GRM8: variants seen among roughly 807,000 people sequenced by gnomAD.
The protein encoded by GRM8 is metabotropic glutamate receptor 8.
Under a neutral mutation model 87.2 loss-of-function variants are expected in GRM8, and 47 were observed. That is an observed-to-expected ratio of 0.54 (90% CI 0.43 to 0.69). GRM8 has a LOEUF of 0.69. Ranked by LOEUF, GRM8 falls within the 30% of genes least tolerant of loss-of-function variation. The probability of loss-of-function intolerance (pLI) is 0.00; values close to 1 mark genes in which losing one functional copy is unlikely to be tolerated. For missense variants in GRM8, 1,019 were observed against 1,139.2 expected, an observed-to-expected ratio of 0.89 and a Z score of 1.52; for synonymous variants, 396 against 404.5, an observed-to-expected ratio of 0.98 and a Z score of 0.25.
At chr7:127,251,595 C>T (rs944160884) in intron 1 of GRM8, among the ~76,000 whole-genome samples, 1 of 151,948 alleles carries the variant, frequency 6.6e-6, no homozygotes, top group African/African-American at 2.4e-5. Flanking sequence ...AGACTGGGGC[C>T]GTGGGGAGAG....
At chr7:126,465,981 C>A (rs977707839) in intron 9 of GRM8, among the ~76,000 whole-genome samples, 1 of 151,808 alleles carries the variant, frequency 6.6e-6, no homozygotes, top group Non-Finnish European at 1.5e-5. Context: ...TAGATAAATT[C>A]TCTTATATGC....
intron 6 of GRM8, among the ~76,000 whole-genome samples, chr7:126,865,589 T>C (rs1798525781): frequency 6.6e-6 from 1 of 152,160 alleles, no homozygotes. Context: ...CCTGTTCCCG[T>C]CCCTTCACCA....
chr7:127,038,423 CA>C (rs1156812418), intron 3 of GRM8, among the ~76,000 whole-genome samples: 1 of 152,034 alleles, frequency 6.6e-6, no homozygotes, highest in Non-Finnish European at 1.5e-5. Context: ...GAAAATATAG[CA>C]TATAAATTTG....
intron 6 of GRM8, among the ~76,000 whole-genome samples, chr7:126,860,334 C>G (rs1586224763): frequency 6.6e-6 from 1 of 152,098 alleles, no homozygotes; most frequent in Non-Finnish European, 1.5e-5. Flanking sequence ...CCTTCCTATT[C>G]CTTAATCTAA....
chr7:126,809,843 T>C (rs1793127311), intron 6 of GRM8, among the ~76,000 whole-genome samples: 1 of 152,104 alleles, frequency 6.6e-6, no homozygotes, highest in South Asian at 2.1e-4. Context: ...ACCCTCCTAT[T>C]TTCCTAGATT....
intron 7 of GRM8, among the ~76,000 whole-genome samples, chr7:126,762,839 C>T (rs974897165): frequency 6.6e-6 from 1 of 151,090 alleles, no homozygotes; most frequent in Non-Finnish European, 1.5e-5. Context: ...TTGATATGTA[C>T]CAAGCAAATG....
At chr7:126,750,793 T>C (rs1371910163) in intron 7 of GRM8, among the ~76,000 whole-genome samples, 1 of 152,134 alleles carries the variant, frequency 6.6e-6, no homozygotes, top group African/African-American at 2.4e-5. Context: ...CTTTGCTTTC[T>C]CTTTTAGACA....
At chr7:127,193,684 C>T (rs978420512) in intron 2 of GRM8, among the ~76,000 whole-genome samples, 11 of 152,138 alleles carry the variant, frequency 7.2e-5, no homozygotes, top group African/African-American at 2.7e-4. Context: ...TCCTAATAAT[C>T]ACCTTCTCAA....
intron 2 of GRM8, among the ~76,000 whole-genome samples, chr7:127,160,524 A>G (rs1351358188): frequency 1.8e-5 from 2 of 112,290 alleles, no homozygotes; most frequent in African/African-American, 7.5e-5. Flanking sequence ...AGGAGGCTCC[A>G]TCACGCGCGC....
chr7:127,175,542 T>A (rs1016933999), intron 2 of GRM8, among the ~76,000 whole-genome samples: 1 of 152,096 alleles, frequency 6.6e-6, no homozygotes, highest in Non-Finnish European at 1.5e-5. Context: ...GCATAGCATA[T>A]GCAAACTGCA....
At chr7:126,626,066 G>T (rs1255992109) in intron 7 of GRM8, among the ~76,000 whole-genome samples, 2 of 151,382 alleles carry the variant, frequency 1.3e-5, no homozygotes, top group African/African-American at 4.9e-5. Context: ...ATTAATCATT[G>T]TATCTCTAAT....
chr7:126,803,315 G>C (rs1822939274), intron 6 of GRM8, among the ~76,000 whole-genome samples: 1 of 152,104 alleles, frequency 6.6e-6, no homozygotes, highest in Non-Finnish European at 1.5e-5. Context: ...CACAGACTGC[G>C]GGTAGCTCCA....
At chr7:126,792,015 A>G (rs146402392) in intron 6 of GRM8, among the ~76,000 whole-genome samples, 1 of 152,294 alleles carries the variant, frequency 6.6e-6, no homozygotes, top group African/African-American at 2.4e-5. Context: ...AAGGTCACAG[A>G]TTATAAGTGA....
intron 6 of GRM8, among the ~76,000 whole-genome samples, chr7:126,825,077 G>C (rs1001089465): frequency 6.6e-6 from 1 of 152,000 alleles, no homozygotes; most frequent in African/African-American, 2.4e-5. Flanking sequence ...TTTTTTTGTT[G>C]TTTTTTTCGA....
intron 8 of GRM8, among the ~76,000 whole-genome samples, chr7:126,580,574 C>T (rs538587934): frequency 4.6e-5 from 7 of 152,124 alleles, no homozygotes; most frequent in East Asian, 1.9e-4. Context: ...TTCCATTTAT[C>T]GGTATTCCTG....
intron 2 of GRM8, among the ~76,000 whole-genome samples, chr7:127,167,791 A>G (rs1049722376): frequency 5.3e-5 from 8 of 152,096 alleles, no homozygotes; most frequent in African/African-American, 1.7e-4. Flanking sequence ...CAGACACAAG[A>G]TTAAAATTAG....
At chr7:127,076,706 T>C (rs1186838800) in intron 3 of GRM8, among the ~76,000 whole-genome samples, 1 of 152,150 alleles carries the variant, frequency 6.6e-6, no homozygotes, top group African/African-American at 2.4e-5. Flanking sequence ...ACAGGGCCAT[T>C]TGCTCTGCTC....
intron 2 of GRM8, among the ~76,000 whole-genome samples, chr7:127,175,843 T>C (rs1365945721): frequency 6.6e-6 from 1 of 152,126 alleles, no homozygotes; most frequent in African/African-American, 2.4e-5. Flanking sequence ...TGCAGAAATT[T>C]TTTAAAAAAC....
chr7:127,089,267 T>C (rs185896545), intron 3 of GRM8, among the ~76,000 whole-genome samples: 4 of 152,318 alleles, frequency 2.6e-5, no homozygotes, highest in Non-Finnish European at 5.9e-5. Flanking sequence ...CCAAGAATTG[T>C]TGGCAGCCAC....
Sources: allele counts gnomAD v4.1 joint callset (sites outside exome capture counted in the v4.1 genomes callset), GRCh38; gene constraint gnomAD v4.1.1; transcripts MANE v1.5; gene names NCBI Gene and HGNC (gene_info 2026-07-23, HGNC 2026-07-21).